The following GFPT2 variants were observed in gnomAD, a reference collection of about 807,000 sequenced individuals.
The protein encoded by GFPT2 is glutamine--fructose-6-phosphate aminotransferase [isomerizing] 2.
In GFPT2, 62 loss-of-function variants were observed where a neutral mutation model predicts 85.6. The ratio of observed to expected loss-of-function variants is 0.72; its 90% CI spans 0.59 to 0.90. The LOEUF (loss-of-function observed/expected upper bound fraction) is 0.90, where lower values mean the gene tolerates loss of function less well. Among genes scored for constraint, GFPT2 ranks in the 40% least tolerant of loss-of-function variants. The pLI, the probability that GFPT2 is intolerant of heterozygous loss-of-function variation, is 0.00. For synonymous variants in GFPT2, 368 were observed against 344.5 expected, an observed-to-expected ratio of 1.07 and a Z score of -0.75; for missense variants, 788 against 893.4, an observed-to-expected ratio of 0.88 and a Z score of 1.50.
intron 2 of GFPT2, among the ~76,000 whole-genome samples, chr5:180,337,849 T>C (rs1160304524): frequency 6.6e-6 from 1 of 152,166 alleles, no homozygotes; most frequent in African/African-American, 2.4e-5. Flanking sequence ...GGACTTAGCA[T>C]AAGCTCTACC....
rs1338096403 is a variant in GFPT2 at position 180,331,043 on chromosome 5, C to T, written c.400-209G>A. 1.2e-4 allele frequency: 68 copies of T among 570,550 alleles called. No individual in the cohort carries two copies. The East Asian group carries it at 2.0e-3, about 17-fold the overall frequency. 35.3% of individuals were successfully genotyped at this position (570,550 alleles called of 1,614,324 possible). ...CCCTGAGATCATCCCACCTCAGAAG[C>T]TCACCCTTGCCACTAATCTGGACAT... On this transcript the variant is annotated intron_variant, in intron 5 of 18. Transcript: ENST00000253778.
intron 13 of GFPT2, among the ~76,000 whole-genome samples, chr5:180,314,651 T>C (rs1189734764): frequency 1.3e-5 from 2 of 152,338 alleles, no homozygotes; most frequent in Admixed American, 6.5e-5. Context: ...GTCCCAGCTT[T>C]GCAGGGCAGG....
At chr5:180,313,691 GC>G in intron 14 of GFPT2, 115 bp downstream of exon 14, 1 of 748,728 alleles carries the variant, frequency 1.3e-6, no homozygotes, top group Non-Finnish European at 2.0e-6. Flanking sequence ...AAGGGGTGAG[GC>G]GGGAAGGGGA....
intron 1 of GFPT2, among the ~76,000 whole-genome samples, chr5:180,343,291 G>A (rs1169084135): frequency 6.6e-6 from 1 of 152,182 alleles, no homozygotes; most frequent in Non-Finnish European, 1.5e-5. Flanking sequence ...AGGCGAGAAC[G>A]TTCGGCACGC....
intron 10 of GFPT2, among the ~76,000 whole-genome samples, chr5:180,317,615 C>G (rs894041047): frequency 1.4e-5 from 2 of 146,912 alleles, no homozygotes; most frequent in Non-Finnish European, 3.0e-5. Flanking sequence ...AAAAATTAGC[C>G]GGGCGTAGTG....
intron 15 of GFPT2, among the ~76,000 whole-genome samples, chr5:180,310,800 G>C (rs532049304): frequency 1.7e-5 from 2 of 114,540 alleles, no homozygotes; most frequent in Non-Finnish European, 3.2e-5. Flanking sequence ...GCCGGGCACA[G>C]CCACCACTGC....
chr5:180,353,304 C>G lies in GFPT2; in HGVS notation c.-87G>C. The G allele has an allele frequency of 1.0e-6, 1 of 980,424 alleles. No homozygotes were observed. The highest frequency in any genetic ancestry group is 1.3e-6 in the Non-Finnish European group (1 of 755,686). The allele number at this position is 980,424 out of a possible 1,614,324, so 60.7% of individuals were successfully genotyped here. A position where few individuals can be genotyped will look rare whatever the true frequency, so the allele number is the denominator to read the frequency against. On this transcript the variant is annotated 5_prime_UTR_variant, in exon 1 of 19. Coordinates refer to ENST00000253778, the MANE Select transcript of GFPT2 (RefSeq NM_005110.4). ...TCCTCCGTGGGCTCCTCCGTGGGCT[C>G]CGTGGGCTCCGTGGGCTCCGCGGGC...
In GFPT2 at chr5:180,318,232, G is replaced by T. The variant is rs1167230993; in HGVS notation, c.958+561C>A. Reference sequence around the variant, plus strand: ...GGGGCCAGGCTTTGGCCCCACTGGGGTGTGGGGTTTGTGGGCTGTGGCAGG... The same window carrying T: ...GGGGCCAGGCTTTGGCCCCACTGGGTTGTGGGGTTTGTGGGCTGTGGCAGG... On this transcript the variant is annotated intron_variant, in intron 10 of 18. Coordinates refer to ENST00000253778, the MANE Select transcript of GFPT2 (RefSeq NM_005110.4). The surrounding 1 kb of genome is among the most constrained non-coding windows in gnomAD (Gnocchi z 4.2). 1.3e-5 allele frequency among the ~76,000 whole-genome samples: 2 copies of T among 152,078 alleles called. No individual in the cohort carries two copies. Among genetic ancestry groups the T allele is most frequent in the Non-Finnish European group, 2.9e-5 (2 of 68,004 alleles).
intron 16 of GFPT2, among the ~76,000 whole-genome samples, chr5:180,305,292 C>T (rs1360416238): frequency 1.3e-5 from 2 of 152,150 alleles, no homozygotes; most frequent in African/African-American, 2.4e-5. Context: ...TAGCCAGCCA[C>T]GTGTATAACG....
Position 180,307,203 on chromosome 5 carries a change from G to A in GFPT2, c.1647C>T (p.Asn549=). ...RSLLVMGRGY[N]YATCLEGALK... ...GGGCTCCTTCCAGGCAGGTGGCATA[G>A]TTGTAGCCCCGCCCCATCACCAGCA... Residue 549 remains asparagine, a synonymous_variant, in exon 16 of 19, where the codon AAC becomes AAT. Transcript: ENST00000253778. 6.2e-7 allele frequency: 1 copy of A among 1,601,692 alleles called. No homozygotes were observed. Among genetic ancestry groups the A allele is most frequent in the Non-Finnish European group, 8.5e-7 (1 of 1,174,764 alleles).
Position 180,336,675 on chromosome 5 carries a change from G to A in GFPT2, c.116-98C>T, listed in dbSNP as rs1764407841. On this transcript the variant is annotated intron_variant, in intron 2 of 18. Transcript: ENST00000253778. ...GGGTCAGGGCTGCATGCCCCGGGCT[G>A]TCCGTTTATGGCAGGTTGGAGAGCT... is the stretch of plus-strand genomic sequence containing the variant. 7.4e-6 allele frequency: 6 copies of A among 805,870 alleles called. No individual in the cohort carries two copies. In the South Asian group the frequency reaches 8.2e-5, roughly 11 times the overall value. The allele number at this position is 805,870 out of a possible 1,614,324, so 49.9% of individuals were successfully genotyped here. A position where few individuals can be genotyped will look rare whatever the true frequency, so the allele number is the denominator to read the frequency against.
chr5:180,349,878 G>T lies in GFPT2; in HGVS notation c.7+3333C>A, dbSNP rs1039005574. Among the ~76,000 whole-genome samples the T allele has an allele frequency of 2.1e-5, 3 of 146,112 alleles. No homozygotes were observed. In the South Asian group the frequency reaches 6.6e-4, roughly 32 times the overall value. On this transcript the variant is annotated intron_variant, in intron 1 of 18. Coordinates refer to ENST00000253778, the MANE Select transcript of GFPT2 (RefSeq NM_005110.4). ...AATTCTCCAGCTCTTCACAGTGATT[G>T]TTTTTTTTTTTTTCTCCCTCACAGA... is the stretch of plus-strand genomic sequence containing the variant.
At chr5:180,341,429 T>A (rs1038155835) in intron 1 of GFPT2, among the ~76,000 whole-genome samples, 5 of 152,228 alleles carry the variant, frequency 3.3e-5, no homozygotes, top group African/African-American at 1.2e-4. Flanking sequence ...TAAACTTCAA[T>A]GAAATGAATG....
chr5:180,352,040 A>G (rs1475692616), intron 1 of GFPT2, among the ~76,000 whole-genome samples: 1 of 152,152 alleles, frequency 6.6e-6, no homozygotes, highest in Non-Finnish European at 1.5e-5. Context: ...ACACATGGAG[A>G]ATGGCGTCTG....
At chr5:180,343,911 C>A (rs1272248304) in intron 1 of GFPT2, among the ~76,000 whole-genome samples, 2 of 152,240 alleles carry the variant, frequency 1.3e-5, no homozygotes, top group Non-Finnish European at 2.9e-5. Context: ...AAAATGTACA[C>A]ATCTGTGGAC....
At chr5:180,339,529 A>T (rs914157347) in intron 1 of GFPT2, among the ~76,000 whole-genome samples, 54 of 152,282 alleles carry the variant, frequency 3.5e-4, no homozygotes, top group African/African-American at 1.3e-3. Context: ...TTCATATTTC[A>T]AGATAATTTT....
intron 10 of GFPT2, among the ~76,000 whole-genome samples, chr5:180,317,936 A>C (rs551136724): frequency 1.3e-5 from 2 of 152,074 alleles, no homozygotes; most frequent in Non-Finnish European, 2.9e-5. Context: ...ACGCACACTC[A>C]TGACACCAAC....
rs1267170130 is a variant in GFPT2 at position 180,318,773 on chromosome 5, G to A, written c.958+20C>T. 9 of 1,608,840 alleles carry A rather than the reference G, an allele frequency of 5.6e-6. No individual in the cohort carries two copies. The African/African-American group carries it at 1.1e-4, about 19-fold the overall frequency. ...GCTGGCTCCCGAGGCTGCCGCACGT[G>A]GACTCTGGAGGACACCTGCCTTTCA... On this transcript the variant is annotated intron_variant, in intron 10 of 18. Coordinates refer to ENST00000253778, the MANE Select transcript of GFPT2 (RefSeq NM_005110.4). This position sits in a 1 kb window ranked among gnomAD's most constrained non-coding sequence, Gnocchi z 4.2.
rs534038188 is a variant in GFPT2 at position 180,319,098 on chromosome 5, G to A, written c.795-142C>T. The A allele has an allele frequency of 2.3e-3, 1,611 of 686,296 alleles. 5 individuals are homozygous for A. The highest frequency in any genetic ancestry group is 2.0e-3 in the Non-Finnish European group (799 of 407,346). The allele number at this position is 686,296 out of a possible 1,614,324, so 42.5% of individuals were successfully genotyped here. ...GAGACCACACTAAAAACATTGATTT[G>A]CAGGTGAATCTTCCTTTTCTTCTCC... On this transcript the variant is annotated intron_variant, in intron 9 of 18. Coordinates refer to ENST00000253778, the MANE Select transcript of GFPT2 (RefSeq NM_005110.4).
Sources: allele counts gnomAD v4.1 joint callset (sites outside exome capture counted in the v4.1 genomes callset), GRCh38; gene constraint gnomAD v4.1.1; non-coding constraint Gnocchi (gnomAD v3.1); transcripts MANE v1.5; gene names NCBI Gene and HGNC (gene_info 2026-07-23, HGNC 2026-07-21).